The following PPP2R5C variants were observed in gnomAD, a reference collection of about 807,000 sequenced individuals.
The protein encoded by PPP2R5C is protein phosphatase 2 regulatory subunit B'gamma, also known as serine/threonine-protein phosphatase 2A 56 kDa regulatory subunit gamma isoform.
Under a neutral mutation model 68.9 loss-of-function variants are expected in PPP2R5C, and 7 were observed. That is an observed-to-expected ratio of 0.10 (90% CI 0.06 to 0.19). The LOEUF is 0.19. Among genes scored for constraint, PPP2R5C ranks in the 10% least tolerant of loss-of-function variants. The pLI, the probability that PPP2R5C is intolerant of heterozygous loss-of-function variation, is 1.00. For missense variants in PPP2R5C, 348 were observed against 641.3 expected (o/e 0.54, Z 4.94); for synonymous variants, 210 against 222.2 (o/e 0.95, Z 0.49).
chr14:101,871,861 A>T (rs1393685296), intron 2 of PPP2R5C, among the ~76,000 whole-genome samples: 1 of 152,166 alleles, frequency 6.6e-6, no homozygotes, highest in Non-Finnish European at 1.5e-5. Context: ...ATACTATTTC[A>T]TATAGAATAT....
rs891077638 is a variant in PPP2R5C at position 101,781,816 on chromosome 14, C to T, written c.94-4202C>T. Among the ~76,000 whole-genome samples, 6 of 151,862 alleles carry T rather than the reference C, an allele frequency of 4.0e-5. No individual in the cohort carries two copies. The highest frequency in any genetic ancestry group is 1.5e-4 in the African/African-American group (6 of 41,334). On this transcript the variant is annotated intron_variant, in intron 2 of 14. Transcript: ENST00000328724. The surrounding 1 kb of genome is among the most constrained non-coding windows in gnomAD (Gnocchi z 6.4). ...CCCGCGAACCGCGCTCTCCCGTTTC[C>T]TTTCCGTCCCGTCTCGGGGGCTTCA...
chr14:101,771,200 G>T (rs1240704017), intron 2 of PPP2R5C, among the ~76,000 whole-genome samples: 1 of 149,712 alleles, frequency 6.7e-6, no homozygotes, highest in Non-Finnish European at 1.5e-5. Flanking sequence ...TTTATTAAGG[G>T]CATTTGGCTT....
intron 3 of PPP2R5C, among the ~76,000 whole-genome samples, chr14:101,790,355 C>T (rs1219483018): frequency 1.3e-5 from 2 of 152,184 alleles, no homozygotes; most frequent in African/African-American, 4.8e-5. Flanking sequence ...ACCGTCACCA[C>T]AATTCTGTTT....
At chr14:101,800,287 C>T (rs1291134563) in intron 3 of PPP2R5C, among the ~76,000 whole-genome samples, 1 of 152,006 alleles carries the variant, frequency 6.6e-6, no homozygotes, top group Non-Finnish European at 1.5e-5. Context: ...TTAGGCCAGG[C>T]ACGGTGGGTC....
chr14:101,778,039 G>A (rs183359903), intron 2 of PPP2R5C, among the ~76,000 whole-genome samples: 1 of 152,284 alleles, frequency 6.6e-6, no homozygotes, highest in East Asian at 1.9e-4. Context: ...CAAAGTGCTG[G>A]GGTTAGAGGC....
At chr14:101,851,146 T>A (rs1746593) in intron 1 of PPP2R5C, among the ~76,000 whole-genome samples, 3 of 152,018 alleles carry the variant, frequency 2.0e-5, no homozygotes, top group Non-Finnish European at 2.9e-5. Flanking sequence ...AAGAATACAC[T>A]TGGGGCTGGC....
chr14:101,798,122 T>C (rs1300308445), intron 3 of PPP2R5C, among the ~76,000 whole-genome samples: 1 of 151,734 alleles, frequency 6.6e-6, no homozygotes, highest in Non-Finnish European at 1.5e-5. Context: ...CAACAAAGCA[T>C]ACATCATCCG....
chr14:101,861,968 A>G (rs2042767167), intron 2 of PPP2R5C, among the ~76,000 whole-genome samples: 3 of 152,316 alleles, frequency 2.0e-5, no homozygotes, highest in East Asian at 1.9e-4. Context: ...GGCGGAGTGC[A>G]GTGGCACAGT....
intron 11 of PPP2R5C, 141 bp from the exon 14 acceptor site, chr14:101,912,260 G>A (rs113982824): frequency 3.6e-6 from 2 of 558,200 alleles, no homozygotes; most frequent in African/African-American, 1.9e-5. Context: ...GCTGTGCTCA[G>A]CACGTAAGTG....
chr14:101,843,779 G>T, intron 1 of PPP2R5C: 1 of 225,302 alleles, frequency 4.4e-6, no homozygotes, highest in Non-Finnish European at 9.2e-6. Context: ...GAACCTTGCT[G>T]CCACCTCCAG....
intron 2 of PPP2R5C, among the ~76,000 whole-genome samples, chr14:101,873,742 T>G (rs932125522): frequency 6.6e-6 from 1 of 152,220 alleles, no homozygotes; most frequent in African/African-American, 2.4e-5. Context: ...CCTGTGGAAC[T>G]CTGCCTTGCA....
At chr14:101,923,073 G>A (rs2047101686) in intron 13 of PPP2R5C, among the ~76,000 whole-genome samples, 1 of 152,184 alleles carries the variant, frequency 6.6e-6, no homozygotes, top group Non-Finnish European at 1.5e-5. Context: ...GCCCCTGCCA[G>A]CATGTTCACC....
intron 2 of PPP2R5C, chr14:101,765,092 C>G: frequency 4.3e-6 from 3 of 691,298 alleles, no homozygotes; most frequent in Non-Finnish European, 8.0e-6. Context: ...CGTGTGAGAC[C>G]TGCGGTGTGG....
At chr14:101,856,526 G>A (rs1322241938) in intron 1 of PPP2R5C, among the ~76,000 whole-genome samples, 160 bp from the exon 4 acceptor site, 2 of 151,744 alleles carry the variant, frequency 1.3e-5, no homozygotes, top group African/African-American at 2.4e-5. Context: ...GGGTTTTTTC[G>A]TTTTATTTTC....
intron 10 of PPP2R5C, 92 bp from the exon 13 acceptor site, chr14:101,909,497 G>T: frequency 1.3e-6 from 1 of 776,868 alleles, no homozygotes; most frequent in African/African-American, 1.7e-5. Flanking sequence ...TGCGATGTGG[G>T]ACTGTTGGAA....
At chr14:101,840,165 A>T (rs1221430551) in intron 1 of PPP2R5C, among the ~76,000 whole-genome samples, 1 of 152,086 alleles carries the variant, frequency 6.6e-6, no homozygotes, top group Non-Finnish European at 1.5e-5. Flanking sequence ...ATTTTCCTGG[A>T]TTAAAAAACA....
At chr14:101,761,016 G>GGAGGGGA (rs1340557371), upstream of PPP2R5C, among the ~76,000 whole-genome samples, 38 of 98,678 alleles carry the variant, frequency 3.9e-4, 1 homozygote, top group African/African-American at 1.6e-3. Context: ...GAAGGGGAGG[G>GGAGGGGA]CAGGGGACGG....
At chr14:101,872,688 T>C (rs1205368157) in intron 2 of PPP2R5C, among the ~76,000 whole-genome samples, 4 of 152,224 alleles carry the variant, frequency 2.6e-5, no homozygotes, top group Non-Finnish European at 5.9e-5. Context: ...TAATGTACCC[T>C]TTCCCCCTCT....
At chr14:101,846,544 G>A (rs1324102707) in intron 1 of PPP2R5C, among the ~76,000 whole-genome samples, 5 of 152,200 alleles carry the variant, frequency 3.3e-5, no homozygotes, top group Admixed American at 2.6e-4. Flanking sequence ...TTATGTAGGT[G>A]CTAAGGGTCA....
Sources: gnomAD v4.1 joint callset for allele counts (sites outside exome capture counted in the v4.1 genomes callset) on GRCh38, gnomAD v4.1.1 for gene constraint, Gnocchi (gnomAD v3.1) non-coding constraint, MANE v1.5 for transcripts, NCBI Gene and HGNC (gene_info 2026-07-23, HGNC 2026-07-21) for gene names.